The following ADGRL2 variants were observed in gnomAD, a reference collection of about 807,000 sequenced individuals.
ADGRL2 encodes adhesion G protein-coupled receptor L2, also known as calcium-independent alpha-latrotoxin receptor 2.
ADGRL2 carries 44 observed loss-of-function variants against 157.4 expected under a neutral mutation model. The ratio of observed to expected loss-of-function variants is 0.28; its 90% confidence interval spans 0.22 to 0.36. ADGRL2 has a LOEUF of 0.36. Among genes scored for constraint, ADGRL2 ranks in the 10% least tolerant of loss-of-function variants. The probability of loss-of-function intolerance (pLI) is 1.00; values close to 1 mark genes in which losing one functional copy is unlikely to be tolerated. For synonymous variants in ADGRL2, 585 were observed against 624.7 expected (o/e 0.94, Z 0.95); for missense variants, 1,510 against 1,768.9 (o/e 0.85, Z 2.63).
chr1:81,944,763 A>G (rs1246401426), intron 6 of ADGRL2, among the ~76,000 whole-genome samples: 1 of 151,970 alleles, frequency 6.6e-6, no homozygotes, highest in Non-Finnish European at 1.5e-5. Context: ...GGCAGAGACT[A>G]ATATATTTTT....
At chr1:81,861,404 ATTAAG>A (rs1043912343) in intron 2 of ADGRL2, among the ~76,000 whole-genome samples, 5 of 152,210 alleles carry the variant, frequency 3.3e-5, no homozygotes, top group African/African-American at 9.6e-5. Context: ...ATTTCATAAT[ATTAAG>A]TTAATTTAAG....
Position 81,502,391 on chromosome 1 carries a change from C to T in ADGRL2, c.-248+57302C>T. 6 of 1,614,046 alleles carry T rather than the reference C, an allele frequency of 3.7e-6. No homozygotes were observed. In the Admixed American group the frequency reaches 8.3e-5, roughly 22 times the overall value. ...TGGAGGCCGGGGAAGAGAGATCTCT[C>T]GAGATTTTGCCAAGCTGTATGAACT... On this transcript the variant is annotated intron_variant, in intron 2 of 24. Coordinates refer to the ADGRL2 transcript ENST00000370721.
chr1:81,424,499 G>A (rs115173677), intron 1 of ADGRL2, among the ~76,000 whole-genome samples: 10,478 of 152,242 alleles, frequency 0.069, 508 homozygotes, highest in Non-Finnish European at 0.11. Flanking sequence ...TTTGTCTTGC[G>A]TGAATACTTA....
At chr1:81,706,328 A>G (rs577075410) in intron 1 of ADGRL2, among the ~76,000 whole-genome samples, 1 of 152,330 alleles carries the variant, frequency 6.6e-6, no homozygotes, top group East Asian at 1.9e-4. Context: ...TTGCAGAGAG[A>G]CAGGAAAGCT....
At chr1:81,902,240 A>T (rs2094500974) in intron 2 of ADGRL2, among the ~76,000 whole-genome samples, 1 of 152,198 alleles carries the variant, frequency 6.6e-6, no homozygotes, top group Middle Eastern at 3.2e-3. Flanking sequence ...TATTATGCAG[A>T]TGAAGCCTCT....
chr1:81,820,272 T>G (rs777835477), intron 1 of ADGRL2, among the ~76,000 whole-genome samples: 1 of 152,180 alleles, frequency 6.6e-6, no homozygotes, highest in Non-Finnish European at 1.5e-5. Context: ...CCTAACCAGT[T>G]ATAGATTCCT....
intron 2 of ADGRL2, among the ~76,000 whole-genome samples, chr1:81,900,903 G>A (rs943816391): frequency 2.0e-5 from 3 of 152,084 alleles, no homozygotes; most frequent in South Asian, 2.1e-4. Flanking sequence ...TCTAGGAGCC[G>A]AGGCTAAAAA....
intron 1 of ADGRL2, among the ~76,000 whole-genome samples, chr1:81,412,040 T>C (rs2076954767): frequency 1.3e-5 from 2 of 152,172 alleles, no homozygotes; most frequent in Non-Finnish European, 2.9e-5. Flanking sequence ...ACTTAATATG[T>C]ATTGAGAAAT....
chr1:81,534,791 A>G (rs1158654409), intron 2 of ADGRL2, among the ~76,000 whole-genome samples: 2 of 152,214 alleles, frequency 1.3e-5, no homozygotes. Context: ...GACACCTTGC[A>G]TGGCTTATGT....
At chr1:81,919,220 A>G (rs943294705) in intron 3 of ADGRL2, among the ~76,000 whole-genome samples, 14 of 152,180 alleles carry the variant, frequency 9.2e-5, no homozygotes, top group African/African-American at 3.4e-4. Flanking sequence ...ATTTAAGTTT[A>G]TAAACTAAAA....
chr1:81,744,726 C>T (rs2085186476), intron 1 of ADGRL2, among the ~76,000 whole-genome samples: 3 of 152,110 alleles, frequency 2.0e-5, no homozygotes, highest in Admixed American at 2.0e-4. Flanking sequence ...GACAGGATGA[C>T]ACACTCATGA....
At chr1:81,566,510 G>T (rs2080566517) in intron 2 of ADGRL2, among the ~76,000 whole-genome samples, 1 of 152,108 alleles carries the variant, frequency 6.6e-6, no homozygotes, top group Non-Finnish European at 1.5e-5. Flanking sequence ...TGAAAATTTT[G>T]CATTCATTAT....
chr1:81,917,486 G>T (rs2094883457), intron 3 of ADGRL2, among the ~76,000 whole-genome samples: 3 of 151,860 alleles, frequency 2.0e-5, no homozygotes, highest in Admixed American at 6.6e-5. Context: ...TACATCTCTT[G>T]TGGATGTTAG....
chr1:81,686,767 A>G (rs596129), intron 3 of ADGRL2, among the ~76,000 whole-genome samples: 58,236 of 151,968 alleles, frequency 0.38, 11,501 homozygotes, highest in African/African-American at 0.47. Flanking sequence ...TGATATAGGC[A>G]TTCAGAGCTA....
At chr1:81,952,882 A>G in intron 9 of ADGRL2, 105 bp from the exon 10 acceptor site, 1 of 856,400 alleles carries the variant, frequency 1.2e-6, no homozygotes, top group Non-Finnish European at 2.0e-6. Flanking sequence ...CTGCATATAA[A>G]CTTCGAGCTC....
At chr1:81,609,437 T>C (rs1383469815) in intron 3 of ADGRL2, among the ~76,000 whole-genome samples, 1 of 152,218 alleles carries the variant, frequency 6.6e-6, no homozygotes, top group African/African-American at 2.4e-5. Flanking sequence ...ATAATAGTTA[T>C]AATCATCCCA....
chr1:81,321,452 C>A (rs1660492282), intron 1 of ADGRL2, among the ~76,000 whole-genome samples: 1 of 152,172 alleles, frequency 6.6e-6, no homozygotes, highest in Non-Finnish European at 1.5e-5. Flanking sequence ...TAAGCTTCAT[C>A]ATTTCTAGCT....
intron 2 of ADGRL2, among the ~76,000 whole-genome samples, chr1:81,468,312 T>C (rs988384055): frequency 2.0e-5 from 3 of 152,164 alleles, no homozygotes; most frequent in Non-Finnish European, 2.9e-5. Context: ...GATACTGGTT[T>C]CTTATAAGTA....
intron 1 of ADGRL2, among the ~76,000 whole-genome samples, chr1:81,383,216 T>C (rs1208997390): frequency 6.6e-6 from 1 of 152,200 alleles, no homozygotes; most frequent in Admixed American, 6.5e-5. Flanking sequence ...AAAACTCAAC[T>C]CTTTTCATAT....
Sources: allele counts gnomAD v4.1 joint callset (sites outside exome capture counted in the v4.1 genomes callset), GRCh38; gene constraint gnomAD v4.1.1; transcripts MANE v1.5; gene names NCBI Gene and HGNC (gene_info 2026-07-23, HGNC 2026-07-21).